The following FSTL5 variants were observed in gnomAD, a reference collection of about 807,000 sequenced individuals.
FSTL5 encodes follistatin-related protein 5.
Under a neutral mutation model 89.1 loss-of-function variants are expected in FSTL5, and 62 were observed. The ratio of observed to expected loss-of-function variants is 0.70; its 90% CI spans 0.57 to 0.86. The LOEUF is 0.86. FSTL5 is among the 40% of genes least tolerant of loss of function. FSTL5 has a pLI of 0.00. For synonymous variants in FSTL5, 383 were observed against 346.2 expected, an observed-to-expected ratio of 1.11 and a Z score of -1.18; for missense variants, 1,057 against 1,001.6, an observed-to-expected ratio of 1.06 and a Z score of -0.75.
chr4:161,426,724 T>A (rs1334891778), intron 15 of FSTL5, among the ~76,000 whole-genome samples: 1 of 151,496 alleles, frequency 6.6e-6, no homozygotes, highest in Non-Finnish European at 1.5e-5. Flanking sequence ...CCCGAGTAAC[T>A]GTGAAGAAAA....
chr4:161,482,966 T>C (rs939639033), intron 12 of FSTL5, among the ~76,000 whole-genome samples: 1 of 152,152 alleles, frequency 6.6e-6, no homozygotes. Context: ...AAGCATGAGA[T>C]GTATGGTGTT....
intron 2 of FSTL5, among the ~76,000 whole-genome samples, chr4:162,089,266 C>T (rs1730444067): frequency 6.6e-6 from 1 of 152,076 alleles, no homozygotes; most frequent in South Asian, 2.1e-4. Flanking sequence ...TATAGCAAAA[C>T]ACCGACTAAG....
intron 11 of FSTL5, among the ~76,000 whole-genome samples, chr4:161,509,208 CAGG>C (rs927095186): frequency 1.3e-5 from 2 of 152,108 alleles, no homozygotes; most frequent in Non-Finnish European, 2.9e-5. Flanking sequence ...GAGGCTAAGG[CAGG>C]AGAATTGCTT....
At chr4:161,463,160 A>T (rs1010364742) in intron 13 of FSTL5, among the ~76,000 whole-genome samples, 4 of 152,136 alleles carry the variant, frequency 2.6e-5, no homozygotes, top group African/African-American at 9.7e-5. Context: ...TTGGAGGAAA[A>T]AAATATCAGC....
At chr4:161,517,135 T>C (rs1486110548) in intron 10 of FSTL5, among the ~76,000 whole-genome samples, 1 of 152,102 alleles carries the variant, frequency 6.6e-6, no homozygotes, top group Non-Finnish European at 1.5e-5. Context: ...GTAATCTGCC[T>C]GCCTCGGCTT....
intron 6 of FSTL5, among the ~76,000 whole-genome samples, chr4:161,738,947 A>G (rs1328854065): frequency 6.6e-6 from 1 of 152,214 alleles, no homozygotes; most frequent in Non-Finnish European, 1.5e-5. Context: ...TAAAATTTAC[A>G]AAGAAAAATA....
chr4:161,880,401 G>T (rs1333961116), intron 4 of FSTL5, among the ~76,000 whole-genome samples: 1 of 151,784 alleles, frequency 6.6e-6, no homozygotes, highest in Non-Finnish European at 1.5e-5. Flanking sequence ...CATAATATTT[G>T]TCATTCATAA....
intron 6 of FSTL5, among the ~76,000 whole-genome samples, chr4:161,690,067 T>C (rs1737878099): frequency 6.6e-6 from 1 of 152,166 alleles, no homozygotes; most frequent in African/African-American, 2.4e-5. Flanking sequence ...ATTTGGGTTA[T>C]ATCCAGATTT....
chr4:161,481,896 C>A (rs1039822460), intron 12 of FSTL5, among the ~76,000 whole-genome samples: 7 of 152,138 alleles, frequency 4.6e-5, no homozygotes, highest in African/African-American at 1.7e-4. Context: ...GATATGCAAG[C>A]CCTTGTGATT....
intron 11 of FSTL5, among the ~76,000 whole-genome samples, chr4:161,503,686 T>A (rs72683739): frequency 1.3e-5 from 2 of 151,944 alleles, no homozygotes; most frequent in African/African-American, 2.4e-5. Flanking sequence ...TCAAAAGGAC[T>A]GGTTTTAGAT....
intron 8 of FSTL5, among the ~76,000 whole-genome samples, chr4:161,553,975 T>G (rs1732302257): frequency 6.6e-6 from 1 of 151,470 alleles, no homozygotes; most frequent in Non-Finnish European, 1.5e-5. Flanking sequence ...GCATCAAATG[T>G]AAATAATCAG....
In FSTL5 at chr4:161,525,212, A is replaced by G. The variant is rs115728415; in HGVS notation, c.1312+12954T>C. Among the ~76,000 whole-genome samples the G allele has an allele frequency of 5.5e-3, 844 of 152,246 alleles. 12 individuals are homozygous for G. The highest frequency in any genetic ancestry group is 0.019 in the African/African-American group (799 of 41,556). ...CAACTTTCTTTCTGAAAGGACTTCA[A>G]GACTTTCTAAAAATAGAGAATTGAT... On this transcript the variant is annotated intron_variant, in intron 10 of 15. Transcript: ENST00000306100.
intron 3 of FSTL5, among the ~76,000 whole-genome samples, chr4:162,009,148 G>A (rs915912472): frequency 2.6e-5 from 4 of 151,940 alleles, no homozygotes; most frequent in Admixed American, 6.6e-5. Context: ...AATCAGAACC[G>A]AAAGCCTTGT....
chr4:161,464,539 A>C (rs1026763101), intron 13 of FSTL5, among the ~76,000 whole-genome samples: 1 of 152,086 alleles, frequency 6.6e-6, no homozygotes, highest in Non-Finnish European at 1.5e-5. Flanking sequence ...TATATGGCAT[A>C]GTTTGTATTT....
intron 6 of FSTL5, among the ~76,000 whole-genome samples, chr4:161,678,161 A>T (rs1737376077): frequency 6.6e-6 from 1 of 151,794 alleles, no homozygotes; most frequent in Admixed American, 6.6e-5. Flanking sequence ...TTTATGTGGC[A>T]TATATGATAC....
At chr4:161,716,603 T>C (rs1194332178) in intron 6 of FSTL5, among the ~76,000 whole-genome samples, 1 of 151,916 alleles carries the variant, frequency 6.6e-6, no homozygotes, top group East Asian at 1.9e-4. Flanking sequence ...TCTCAAAAAA[T>C]AAATAAATAA....
intron 2 of FSTL5, among the ~76,000 whole-genome samples, chr4:162,101,393 A>G (rs1183408888): frequency 2.0e-5 from 3 of 152,206 alleles, no homozygotes; most frequent in Admixed American, 6.5e-5. Context: ...TGAAATAATG[A>G]GTGAATGTGC....
At chr4:161,955,772 A>G (rs1735011179) in intron 3 of FSTL5, among the ~76,000 whole-genome samples, 1 of 151,894 alleles carries the variant, frequency 6.6e-6, no homozygotes, top group Admixed American at 6.6e-5. Context: ...TAACTCTTGC[A>G]GTTTCAATGA....
In FSTL5 at chr4:161,906,603, G is replaced by A. The variant is rs180765788; in HGVS notation, c.409+13801C>T. On this transcript the variant is annotated intron_variant, in intron 4 of 15. Coordinates refer to ENST00000306100, the MANE Select transcript of FSTL5 (RefSeq NM_020116.5). Reference sequence around the variant, plus strand: ...TTAAGTCTCAAAGACGGATGAAATGGTTCCTCTTTGGTGAGGGGGAAACTG... The same window carrying A: ...TTAAGTCTCAAAGACGGATGAAATGATTCCTCTTTGGTGAGGGGGAAACTG... 1.1e-3 allele frequency among the ~76,000 whole-genome samples: 164 copies of A among 152,214 alleles called. 5 individuals are homozygous for A. Among genetic ancestry groups the A allele is most frequent in the Admixed American group, 2.3e-3 (35 of 15,260 alleles).
Sources: gnomAD v4.1 joint callset for allele counts (sites outside exome capture counted in the v4.1 genomes callset) on GRCh38, gnomAD v4.1.1 for gene constraint, MANE v1.5 for transcripts, NCBI Gene and HGNC (gene_info 2026-07-23, HGNC 2026-07-21) for gene names.